The following QKI variants were observed in gnomAD, a reference collection of about 807,000 sequenced individuals.
QKI encodes the protein KH domain-containing RNA-binding protein QKI.
Under a neutral mutation model 39.0 loss-of-function variants are expected in QKI, and 10 were observed. That is an observed-to-expected ratio of 0.26 (90% confidence interval 0.16 to 0.43). QKI has a LOEUF of 0.43. Ranked by LOEUF, QKI falls within the 20% of genes least tolerant of loss-of-function variation. The pLI, the probability that QKI is intolerant of heterozygous loss-of-function variation, is 1.00. For missense variants in QKI, 218 were observed against 428.0 expected (o/e 0.51, Z 4.33); for synonymous variants, 204 against 155.4 (o/e 1.31, Z -2.33).
intron 1 of QKI, among the ~76,000 whole-genome samples, chr6:163,433,865 A>C (rs1179737895): frequency 6.6e-6 from 1 of 152,246 alleles, no homozygotes; most frequent in African/African-American, 2.4e-5. Flanking sequence ...AAATGTGTAC[A>C]TACACATTTA....
At chr6:163,496,636 C>A (rs184179136) in intron 3 of QKI, among the ~76,000 whole-genome samples, 1 of 152,276 alleles carries the variant, frequency 6.6e-6, no homozygotes, top group East Asian at 1.9e-4. Context: ...AAAGGCCCTA[C>A]GTGGCCTTGT....
intron 2 of QKI, among the ~76,000 whole-genome samples, chr6:163,468,717 CTTTTGGCCTTT>C: frequency 6.6e-6 from 1 of 152,060 alleles, no homozygotes; most frequent in Non-Finnish European, 1.5e-5. Flanking sequence ...TCTTTCCCTT[CTTTTGGCCTTT>C]AAAGTTGCAC....
chr6:163,470,148 C>CT (rs1280801236), intron 2 of QKI, among the ~76,000 whole-genome samples: 1 of 152,078 alleles, frequency 6.6e-6, no homozygotes, highest in African/African-American at 2.4e-5. Flanking sequence ...TGGGGGATCT[C>CT]TTTTTCTGCT....
chr6:163,416,211 A>C (rs1004214871), intron 1 of QKI: 2 of 333,820 alleles, frequency 6.0e-6, no homozygotes, highest in African/African-American at 4.3e-5. Context: ...AATAAAATTG[A>C]GCCAAAGTTT....
At chr6:163,447,807 A>G (rs935603049) in intron 1 of QKI, among the ~76,000 whole-genome samples, 2 of 152,142 alleles carry the variant, frequency 1.3e-5, no homozygotes, top group Non-Finnish European at 2.9e-5. Context: ...CTGTTTTTAT[A>G]TAGGCAGTCC....
At chr6:163,478,291 A>G (rs980350477) in intron 2 of QKI, among the ~76,000 whole-genome samples, 2 of 152,362 alleles carry the variant, frequency 1.3e-5, no homozygotes, top group African/African-American at 4.8e-5. Flanking sequence ...TTTTCGTAAC[A>G]TATTTCTGAA....
rs113348696 is a variant in QKI, at chr6:163,561,582, T to A, written c.547-400T>A. Among the ~76,000 whole-genome samples, 688 of 152,308 alleles carry A rather than the reference T, an allele frequency of 4.5e-3. 6 individuals are homozygous for A. Among genetic ancestry groups the A allele is most frequent in the African/African-American group, 0.016 (655 of 41,586 alleles). Reference sequence around the variant, plus strand: ...AGGATCATGCCACAGCACTCCAGCCTGGGTAACAGAGCAAGACCCTGTATC... The same window carrying A: ...AGGATCATGCCACAGCACTCCAGCCAGGGTAACAGAGCAAGACCCTGTATC... On this transcript the variant is annotated intron_variant, in intron 4 of 7. Transcript: ENST00000361752.
chr6:163,425,059 T>G (rs539225248), intron 1 of QKI, among the ~76,000 whole-genome samples: 2 of 152,308 alleles, frequency 1.3e-5, no homozygotes, highest in African/African-American at 4.8e-5. Flanking sequence ...GTTCAGCTAG[T>G]TTTTATGTGC....
At chr6:163,435,718 A>G (rs754290299) in intron 1 of QKI, among the ~76,000 whole-genome samples, 15 of 152,104 alleles carry the variant, frequency 9.9e-5, no homozygotes, top group Non-Finnish European at 1.8e-4. Context: ...GTTTCTAGTC[A>G]TATGCCGTGT....
At chr6:163,548,473 A>G (rs955281089) in intron 4 of QKI, among the ~76,000 whole-genome samples, 9 of 152,224 alleles carry the variant, frequency 5.9e-5, no homozygotes, top group African/African-American at 1.9e-4. Context: ...TAATATCTAT[A>G]TATGTGTGAT....
intron 3 of QKI, among the ~76,000 whole-genome samples, chr6:163,530,908 C>A (rs1353241135): frequency 6.6e-6 from 1 of 152,140 alleles, no homozygotes; most frequent in Non-Finnish European, 1.5e-5. Flanking sequence ...AAATATATAA[C>A]ATTGATGATT....
chr6:163,556,030 T>C (rs183161063), intron 4 of QKI, among the ~76,000 whole-genome samples: 4 of 152,336 alleles, frequency 2.6e-5, no homozygotes, highest in East Asian at 3.9e-4. Flanking sequence ...ATGTGAACTT[T>C]TGTGGCTTTG....
intron 4 of QKI, among the ~76,000 whole-genome samples, chr6:163,552,869 T>C (rs1782331732): frequency 6.6e-6 from 1 of 151,990 alleles, no homozygotes; most frequent in Non-Finnish European, 1.5e-5. Flanking sequence ...GAGTTTAATA[T>C]ATTTTCACTT....
intron 3 of QKI, among the ~76,000 whole-genome samples, chr6:163,533,028 A>G (rs997546141): frequency 6.6e-6 from 1 of 152,014 alleles, no homozygotes; most frequent in Non-Finnish European, 1.5e-5. Flanking sequence ...TCCTGTTACT[A>G]TATCTTGCCT....
At chr6:163,435,753 GAGGA>G (rs59214265) in intron 1 of QKI, among the ~76,000 whole-genome samples, 11,965 of 151,796 alleles carry the variant, frequency 0.079, 527 homozygotes, top group Middle Eastern at 0.12. Context: ...CTGTATATAT[GAGGA>G]ACTGCAATCT....
chr6:163,424,797 A>G (rs1433750817), intron 1 of QKI, among the ~76,000 whole-genome samples: 1 of 151,564 alleles, frequency 6.6e-6, no homozygotes, highest in African/African-American at 2.4e-5. Context: ...ACACCCGGCT[A>G]ATTGCTGTAT....
intron 2 of QKI, among the ~76,000 whole-genome samples, chr6:163,463,615 A>G (rs1791502314): frequency 6.6e-6 from 1 of 152,234 alleles, no homozygotes; most frequent in African/African-American, 2.4e-5. Context: ...GAGTACTGAT[A>G]TAACTGGATA....
intron 4 of QKI, among the ~76,000 whole-genome samples, chr6:163,561,659 G>T (rs1385455702): frequency 2.0e-5 from 3 of 152,112 alleles, no homozygotes; most frequent in African/African-American, 7.2e-5. Flanking sequence ...ATGCTGAAGA[G>T]AATATGTTAT....
chr6:163,557,709 T>C (rs1782721823), intron 4 of QKI, among the ~76,000 whole-genome samples: 1 of 152,198 alleles, frequency 6.6e-6, no homozygotes, highest in African/African-American at 2.4e-5. Context: ...ATGCTTGAGT[T>C]GATGGGTACT....
Sources: allele counts gnomAD v4.1 joint callset (sites outside exome capture counted in the v4.1 genomes callset), GRCh38; gene constraint gnomAD v4.1.1; transcripts MANE v1.5; gene names NCBI Gene and HGNC (gene_info 2026-07-23, HGNC 2026-07-21).